CEP83: variants seen among roughly 807,000 people sequenced by gnomAD.
CEP83 encodes the protein centrosomal protein 83.
In CEP83, 70 loss-of-function variants were observed where a neutral mutation model predicts 101.9. The ratio of observed to expected loss-of-function variants is 0.69; its 90% confidence interval spans 0.57 to 0.84. The LOEUF (loss-of-function observed/expected upper bound fraction) is 0.84, where lower values mean the gene tolerates loss of function less well. CEP83 is among the 40% of genes least tolerant of loss of function. The pLI is 0.00. For synonymous variants in CEP83, 264 were observed against 267.9 expected (o/e 0.99, Z 0.14); for missense variants, 715 against 787.2 (o/e 0.91, Z 1.10).
chr12:94,450,513 A>G (rs948744217), intron 1 of CEP83, among the ~76,000 whole-genome samples: 6 of 152,186 alleles, frequency 3.9e-5, no homozygotes, highest in Non-Finnish European at 5.9e-5. Context: ...TGGATCCCAA[A>G]GTGCTGGGAT....
At chr12:94,399,734 T>G (rs1466994664) in intron 6 of CEP83, among the ~76,000 whole-genome samples, 3 of 152,048 alleles carry the variant, frequency 2.0e-5, no homozygotes, top group Non-Finnish European at 2.9e-5. Flanking sequence ...GATCAATCAA[T>G]CAAAGAAAAT....
chr12:94,296,874 T>C, the CEP83 span, among the ~76,000 whole-genome samples: 6 of 152,228 alleles, frequency 3.9e-5, no homozygotes, highest in Non-Finnish European at 8.8e-5. Flanking sequence ...ATATGCCCAG[T>C]AGTCCCTGGC....
chr12:94,411,214 C>T (rs2063858603), intron 4 of CEP83, among the ~76,000 whole-genome samples: 1 of 152,132 alleles, frequency 6.6e-6, no homozygotes, highest in Admixed American at 6.5e-5. Context: ...TACTTCAGCA[C>T]TTTGGAGACA....
chr12:94,275,841 C>T, the CEP83 span, among the ~76,000 whole-genome samples: 1 of 64,930 alleles, frequency 1.5e-5, no homozygotes, highest in Non-Finnish European at 2.7e-5. Context: ...GGCGACAGAG[C>T]GAGACTCCGT....
At chr12:94,355,146 A>G (rs1358977617) in intron 11 of CEP83, among the ~76,000 whole-genome samples, 1 of 152,232 alleles carries the variant, frequency 6.6e-6, no homozygotes, top group Non-Finnish European at 1.5e-5. Flanking sequence ...CCTACATCAA[A>G]AAAGTACAGA....
intron 15 of CEP83, among the ~76,000 whole-genome samples, chr12:94,312,246 T>A (rs1192982142): frequency 6.6e-6 from 1 of 152,174 alleles, no homozygotes; most frequent in Non-Finnish European, 1.5e-5. Context: ...AAAAAACAAT[T>A]GTTCACCTGT....
intron 11 of CEP83, among the ~76,000 whole-genome samples, chr12:94,338,092 T>C (rs1400412067): frequency 6.6e-6 from 1 of 152,142 alleles, no homozygotes; most frequent in Admixed American, 6.5e-5. Context: ...TTTATGTCTT[T>C]GAAGTGATCA....
chr12:94,442,686 G>C (rs960385693), intron 1 of CEP83, among the ~76,000 whole-genome samples: 1 of 152,084 alleles, frequency 6.6e-6, no homozygotes, highest in African/African-American at 2.4e-5. Flanking sequence ...CTAGTAATAG[G>C]TGAGGAAAAG....
intron 4 of CEP83, among the ~76,000 whole-genome samples, chr12:94,406,853 G>A (rs117456735): frequency 0.051 from 7,698 of 151,752 alleles, 255 homozygotes; most frequent in Admixed American, 0.082. Context: ...TATGAACACA[G>A]GAGGCGGAGC....
chr12:94,397,028 T>C (rs944942772), intron 6 of CEP83, among the ~76,000 whole-genome samples: 3 of 152,204 alleles, frequency 2.0e-5, no homozygotes, highest in African/African-American at 7.2e-5. Context: ...AGTATGAAGG[T>C]GATTGAACAA....
chr12:94,412,416 T>C lies in CEP83; in HGVS notation c.75A>G (p.Thr25=). The C allele has an allele frequency of 6.2e-7, 1 of 1,612,714 alleles. No individual in the cohort carries two copies. The highest frequency in any genetic ancestry group is 8.5e-7 in the Non-Finnish European group (1 of 1,179,206). ...NFPPGGDSGL[T]GSQSEFQKML... is the part of the protein sequence containing the mutation. ...TTTTCTGGAACTCCGACTGAGAACC[T>C]GTCAATCCACTGTCTCCACCAGGAG... Residue 25 remains threonine, a synonymous_variant, in exon 3 of 17, where the codon ACA becomes ACG. Coordinates refer to ENST00000397809, the MANE Select transcript of CEP83 (RefSeq NM_016122.3).
At chr12:94,300,162 T>C in the CEP83 span, among the ~76,000 whole-genome samples, 1 of 152,294 alleles carries the variant, frequency 6.6e-6, no homozygotes, top group South Asian at 2.1e-4. Flanking sequence ...GGTCCCATTC[T>C]AATAGTTGGG....
chr12:94,321,599 A>G (rs1397570662), intron 14 of CEP83, among the ~76,000 whole-genome samples: 1 of 152,128 alleles, frequency 6.6e-6, no homozygotes, highest in East Asian at 1.9e-4. Context: ...CCCAGGGAGG[A>G]GAAGTGAGGA....
intron 6 of CEP83, among the ~76,000 whole-genome samples, chr12:94,391,085 T>G (rs556764736): frequency 1.0e-3 from 159 of 152,166 alleles, no homozygotes; most frequent in Non-Finnish European, 1.8e-3. Flanking sequence ...TTCCCCAACT[T>G]AGCAAGGCAG....
the CEP83 span, chr12:94,277,662 CCT>C: frequency 3.1e-6 from 1 of 318,024 alleles, no homozygotes; most frequent in Non-Finnish European, 6.1e-6. Context: ...GCAGCCTCCT[CCT>C]TATTCAGAGA....
At position 94,348,966 on chromosome 12, in the gene CEP83, G is replaced by A. The variant is rs919443743; in HGVS notation, c.1344-13302C>T. Among the ~76,000 whole-genome samples, 5 of 129,082 alleles carry A rather than the reference G, an allele frequency of 3.9e-5. 1 individual carries two copies. Among genetic ancestry groups the A allele is most frequent in the Admixed American group, 3.3e-4 (4 of 12,286 alleles). 84.7% of individuals were successfully genotyped at this position (129,082 alleles called of 152,430 possible). A position where few individuals can be genotyped will look rare whatever the true frequency, so the allele number is the denominator to read the frequency against. Reference sequence around the variant, plus strand: ...TTTGCAGGGAAAATGCTTCCACAACGAGCAGGATGCAGAAAATGCTAAGTG... The same window carrying A: ...TTTGCAGGGAAAATGCTTCCACAACAAGCAGGATGCAGAAAATGCTAAGTG... On this transcript the variant is annotated intron_variant, in intron 11 of 16. Transcript: ENST00000397809.
rs151018327 is a variant in CEP83 at position 94,359,135 on chromosome 12, G to A, written c.1343+8659C>T. On this transcript the variant is annotated intron_variant, in intron 11 of 16. Transcript: ENST00000397809. ...TAATATCTATAGAAACAATGCTAAT[G>A]ACTGGTTTGCTGTTAATAAATATGT... 2.9e-3 allele frequency among the ~76,000 whole-genome samples: 446 copies of A among 152,282 alleles called. 1 individual carries two copies. The highest frequency in any genetic ancestry group is 0.016 in the Admixed American group (246 of 15,298).
In CEP83 at chr12:94,400,842, T is replaced by C. The variant is rs1158013882; in HGVS notation, c.549+8A>G. On this transcript the variant is annotated splice_region_variant and intron_variant, in intron 6 of 16. Coordinates refer to ENST00000397809, the MANE Select transcript of CEP83 (RefSeq NM_016122.3). ...ATAACAAAGAAACTCGTATAATCAA[T>C]CACTTACCTCTGATTCATATTTTAT... 2 of 1,415,152 alleles carry C rather than the reference T, an allele frequency of 1.4e-6. No individual in the cohort carries two copies. Among genetic ancestry groups the C allele is most frequent in the Non-Finnish European group, 9.3e-7 (1 of 1,075,680 alleles). 87.7% of individuals were successfully genotyped at this position (1,415,152 alleles called of 1,614,324 possible). A position where few individuals can be genotyped will look rare whatever the true frequency, so the allele number is the denominator to read the frequency against.
intron 5 of CEP83, among the ~76,000 whole-genome samples, chr12:94,401,530 C>T (rs2063255509): frequency 6.6e-6 from 1 of 152,172 alleles, no homozygotes; most frequent in Non-Finnish European, 1.5e-5. Flanking sequence ...GTGTTCTCAT[C>T]CTGCTTCCTA....
Sources: allele counts gnomAD v4.1 joint callset (sites outside exome capture counted in the v4.1 genomes callset), GRCh38; gene constraint gnomAD v4.1.1; transcripts MANE v1.5; gene names NCBI Gene and HGNC (gene_info 2026-07-23, HGNC 2026-07-21).